KCNQ5: variants seen among roughly 807,000 people sequenced by gnomAD.
KCNQ5 encodes the protein potassium voltage-gated channel subfamily KQT member 5.
A neutral mutation model predicts 98.2 loss-of-function variants in KCNQ5; 30 were observed. The observed-to-expected ratio is 0.31, with a 90% CI of 0.23 to 0.41. The LOEUF is 0.41. Among genes scored for constraint, KCNQ5 ranks in the 10% least tolerant of loss-of-function variants. The probability of loss-of-function intolerance (pLI) is 1.00; values close to 1 mark genes in which losing one functional copy is unlikely to be tolerated. For missense variants in KCNQ5, 835 were observed against 1,182.5 expected (o/e 0.71, Z 4.31); for synonymous variants, 458 against 449.4 (o/e 1.02, Z -0.24).
rs909207341 is a variant in KCNQ5 at position 72,955,527 on chromosome 6, C to T, written c.399-48381C>T. Reference sequence around the variant, plus strand: ...AATCTATTATAACTATAAGTAGGAACTTTGTGCCTCTAATTAAAAAAGAAG... The same window carrying T: ...AATCTATTATAACTATAAGTAGGAATTTTGTGCCTCTAATTAAAAAAGAAG... On this transcript the variant is annotated intron_variant, in intron 1 of 13. Transcript: ENST00000370398. 2.0e-5 allele frequency among the ~76,000 whole-genome samples: 3 copies of T among 152,176 alleles called. No homozygotes were observed. The South Asian group carries it at 6.2e-4, about 32-fold the overall frequency.
chr6:72,862,236 A>T (rs1777794928), intron 1 of KCNQ5, among the ~76,000 whole-genome samples: 2 of 152,228 alleles, frequency 1.3e-5, no homozygotes, highest in South Asian at 2.1e-4. Flanking sequence ...ATGGGCCCAT[A>T]GAACTGCTTC....
intron 1 of KCNQ5, among the ~76,000 whole-genome samples, chr6:72,799,789 T>C (rs150391346): frequency 2.0e-5 from 3 of 152,314 alleles, no homozygotes; most frequent in African/African-American, 7.2e-5. Context: ...ACATTCTGCA[T>C]GCCATACCTT....
intron 1 of KCNQ5, among the ~76,000 whole-genome samples, chr6:72,775,888 G>A (rs78647509): frequency 0.014 from 2,189 of 152,204 alleles, 34 homozygotes; most frequent in South Asian, 0.056. Flanking sequence ...TAGGAGACAC[G>A]AAATCTAAAT....
chr6:72,652,287 C>CT (rs372122017), intron 1 of KCNQ5, among the ~76,000 whole-genome samples: 1 of 150,096 alleles, frequency 6.7e-6, no homozygotes, highest in Admixed American at 6.7e-5. Flanking sequence ...TAGCCTGTGT[C>CT]TTTTTTAGTT....
At chr6:72,939,714 T>C (rs1282156700) in intron 1 of KCNQ5, among the ~76,000 whole-genome samples, 1 of 152,170 alleles carries the variant, frequency 6.6e-6, no homozygotes, top group African/African-American at 2.4e-5. Context: ...TACTTAAACT[T>C]GATGCAAGCC....
intron 1 of KCNQ5, among the ~76,000 whole-genome samples, chr6:72,794,576 A>G (rs1267624404): frequency 6.6e-6 from 1 of 152,156 alleles, no homozygotes; most frequent in Non-Finnish European, 1.5e-5. Flanking sequence ...CTTGAGGTTA[A>G]TTTTACTATA....
At chr6:72,732,225 T>G (rs572344007) in intron 1 of KCNQ5, among the ~76,000 whole-genome samples, 22 of 151,084 alleles carry the variant, frequency 1.5e-4, no homozygotes, top group Non-Finnish European at 3.1e-4. Context: ...TAGTGTGGAG[T>G]GAGGAGTGAT....
intron 3 of KCNQ5, among the ~76,000 whole-genome samples, chr6:73,054,501 A>T (rs1772377700): frequency 6.6e-6 from 1 of 152,216 alleles, no homozygotes; most frequent in East Asian, 1.9e-4. Flanking sequence ...CACCACTATC[A>T]AGGAGGCTTC....
intron 1 of KCNQ5, among the ~76,000 whole-genome samples, chr6:72,793,580 C>A (rs1774172504): frequency 6.6e-6 from 1 of 152,106 alleles, no homozygotes; most frequent in Admixed American, 6.5e-5. Flanking sequence ...TGTATTTAGG[C>A]AAATTATTTT....
At chr6:72,971,660 A>G (rs1767906427) in intron 1 of KCNQ5, among the ~76,000 whole-genome samples, 1 of 152,252 alleles carries the variant, frequency 6.6e-6, no homozygotes, top group Non-Finnish European at 1.5e-5. Flanking sequence ...TTGCAGCCAT[A>G]TAAAATGATG....
At chr6:72,747,627 A>G (rs906995812) in intron 1 of KCNQ5, among the ~76,000 whole-genome samples, 1 of 152,204 alleles carries the variant, frequency 6.6e-6, no homozygotes, top group Admixed American at 6.5e-5. Context: ...ATGGGGATAA[A>G]TGACTGAAAA....
chr6:72,896,992 C>T (rs1332898642), intron 1 of KCNQ5, among the ~76,000 whole-genome samples: 1 of 151,868 alleles, frequency 6.6e-6, no homozygotes, highest in African/African-American at 2.4e-5. Flanking sequence ...GTAGTAAATT[C>T]TTATCTACCA....
intron 1 of KCNQ5, among the ~76,000 whole-genome samples, chr6:72,803,187 T>G (rs1304352675): frequency 6.6e-6 from 1 of 152,180 alleles, no homozygotes; most frequent in Non-Finnish European, 1.5e-5. Context: ...CTCCTTGTTT[T>G]AAAAGAAACA....
intron 5 of KCNQ5, among the ~76,000 whole-genome samples, chr6:73,090,215 G>A (rs1306246392): frequency 1.3e-5 from 2 of 152,002 alleles, no homozygotes; most frequent in Non-Finnish European, 2.9e-5. Context: ...CATCTTTTGA[G>A]AATTGTCTAT....
At chr6:72,863,250 G>C (rs1370439174) in intron 1 of KCNQ5, among the ~76,000 whole-genome samples, 5 of 152,154 alleles carry the variant, frequency 3.3e-5, no homozygotes, top group African/African-American at 1.2e-4. Flanking sequence ...TTAGAGACTA[G>C]AGTTTTTCCA....
chr6:72,730,152 G>C (rs765026128), intron 1 of KCNQ5, among the ~76,000 whole-genome samples: 1 of 152,190 alleles, frequency 6.6e-6, no homozygotes, highest in African/African-American at 2.4e-5. Context: ...GCAAGACCCT[G>C]TCACTATATA....
intron 1 of KCNQ5, among the ~76,000 whole-genome samples, chr6:72,673,906 A>T (rs7749079): frequency 0.23 from 34,790 of 152,114 alleles, 5,154 homozygotes; most frequent in East Asian, 0.51. Context: ...AAATTGAACC[A>T]AATGTTCTCA....
At chr6:72,646,524 A>G (rs931218612) in intron 1 of KCNQ5, among the ~76,000 whole-genome samples, 1 of 152,170 alleles carries the variant, frequency 6.6e-6, no homozygotes, top group Admixed American at 6.5e-5. Context: ...GGGAAAAAAA[A>G]GCATATGGTT....
At chr6:73,074,172 T>C (rs577090330) in intron 3 of KCNQ5, among the ~76,000 whole-genome samples, 1 of 152,274 alleles carries the variant, frequency 6.6e-6, no homozygotes, top group South Asian at 2.1e-4. Context: ...AAAACAATGA[T>C]AAAACACTGT....
Sources: allele counts gnomAD v4.1 joint callset (sites outside exome capture counted in the v4.1 genomes callset), GRCh38; gene constraint gnomAD v4.1.1; transcripts MANE v1.5; gene names NCBI Gene and HGNC (gene_info 2026-07-23, HGNC 2026-07-21).